Variants in SCG5 observed in about 807,000 individuals in gnomAD.
The protein encoded by SCG5 is secretogranin V, also known as neuroendocrine protein 7B2.
A neutral mutation model predicts 25.7 loss-of-function variants in SCG5; 18 were observed. The observed-to-expected ratio is 0.70, with a 90% CI of 0.48 to 1.04. SCG5 has a LOEUF of 1.04. Ranked by LOEUF, SCG5 falls within the 50% of genes least tolerant of loss-of-function variation. The pLI is 0.00. For missense variants in SCG5, 206 were observed against 259.8 expected (o/e 0.79, Z 1.42); for synonymous variants, 101 against 91.7 (o/e 1.10, Z -0.58).
intron 2 of SCG5, among the ~76,000 whole-genome samples, chr15:32,650,023 G>T (rs547234910): frequency 6.6e-6 from 1 of 152,314 alleles, no homozygotes; most frequent in African/African-American, 2.4e-5. Context: ...TAACTGAATT[G>T]CAGGCCTTCC....
intron 5 of SCG5, among the ~76,000 whole-genome samples, chr15:32,695,434 A>G (rs973397095): frequency 3.9e-5 from 6 of 152,098 alleles, no homozygotes; most frequent in African/African-American, 1.4e-4. Flanking sequence ...AGTTTCAATT[A>G]CTAGTTCGAA....
chr15:32,674,669 C>A (rs2054500585), intron 2 of SCG5, among the ~76,000 whole-genome samples: 1 of 152,122 alleles, frequency 6.6e-6, no homozygotes, highest in African/African-American at 2.4e-5. Flanking sequence ...TTTGTTAACA[C>A]CGAACAAGAC....
In SCG5 at chr15:32,684,640, G is replaced by C. The variant is rs201696326; in HGVS notation, c.460G>C (p.Glu154Gln). 72 of 1,613,448 alleles carry C rather than the reference G, an allele frequency of 4.5e-5. No homozygotes were observed. Among genetic ancestry groups the C allele is most frequent in the Non-Finnish European group, 5.6e-5 (66 of 1,179,644 alleles). ...FQLHQHLFDP[E>Q]HDYPGLGKWN... ...GTTGCACCAGCATCTCTTTGATCCG[G>C]AACATGACTATCCAGGCTTGGGCAA... The change falls in exon 4 of 6, where the codon GAA becomes CAA. Residue 154 changes from glutamate to glutamine, a missense_variant. Physicochemically the swap from Glu to Gln is conservative, Grantham distance 29. Coordinates refer to ENST00000300175, the MANE Select transcript of SCG5 (RefSeq NM_001144757.3).
At chr15:32,648,932 C>T (rs1256388369) in intron 2 of SCG5, among the ~76,000 whole-genome samples, 2 of 152,266 alleles carry the variant, frequency 1.3e-5, no homozygotes, top group African/African-American at 2.4e-5. Context: ...CCACCACGCC[C>T]GGCTAATTTT....
intron 2 of SCG5, among the ~76,000 whole-genome samples, chr15:32,650,340 A>T (rs1004826111): frequency 1.3e-5 from 2 of 152,108 alleles, no homozygotes; most frequent in South Asian, 4.1e-4. Flanking sequence ...TGACCTCGTG[A>T]TCCGCCCATC....
At chr15:32,649,945 GAAAAAT>G (rs1021527647) in intron 2 of SCG5, among the ~76,000 whole-genome samples, 2 of 152,224 alleles carry the variant, frequency 1.3e-5, no homozygotes, top group African/African-American at 2.4e-5. Flanking sequence ...GTTGGTGTTT[GAAAAAT>G]AAAAATAAAA....
At chr15:32,655,004 G>A (rs2054091833) in intron 2 of SCG5, among the ~76,000 whole-genome samples, 1 of 152,166 alleles carries the variant, frequency 6.6e-6, no homozygotes, top group South Asian at 2.1e-4. Context: ...TTCCTGGAAA[G>A]TGCTTTAAAT....
chr15:32,696,469 A>T, intron 5 of SCG5, 45 bp from the exon 6 acceptor site: 1 of 1,342,508 alleles, frequency 7.4e-7, no homozygotes, highest in Non-Finnish European at 1.1e-6. Context: ...TCTGATGTTC[A>T]CATATAACAC....
intron 4 of SCG5, among the ~76,000 whole-genome samples, chr15:32,689,841 C>CTT (rs537073829): frequency 1.0e-3 from 140 of 135,028 alleles, no homozygotes; most frequent in Non-Finnish European, 2.0e-3. Context: ...TTTTGCATTT[C>CTT]TTTTTTTTTT....
At chr15:32,678,143 G>A (rs1294742852) in intron 2 of SCG5, among the ~76,000 whole-genome samples, 1 of 152,114 alleles carries the variant, frequency 6.6e-6, no homozygotes, top group Non-Finnish European at 1.5e-5. Flanking sequence ...ACTTCTGAAG[G>A]GGCAACGATT....
chr15:32,672,929 AAAAAG>A (rs1163425062), intron 2 of SCG5: 2 of 138,334 alleles, frequency 1.4e-5, no homozygotes, highest in South Asian at 5.4e-4. Context: ...AAAAAAAAAA[AAAAAG>A]AGACAGAGTG....
intron 2 of SCG5, among the ~76,000 whole-genome samples, chr15:32,649,601 T>A (rs2054001014): frequency 6.6e-6 from 1 of 152,090 alleles, no homozygotes; most frequent in Non-Finnish European, 1.5e-5. Context: ...TGGTCGTTAA[T>A]AGCTTTAAGT....
intron 2 of SCG5, among the ~76,000 whole-genome samples, chr15:32,673,435 A>G (rs2054474056): frequency 6.6e-6 from 1 of 151,964 alleles, no homozygotes; most frequent in South Asian, 2.1e-4. Flanking sequence ...ATGGACCAGC[A>G]GCATCTGCAC....
At chr15:32,654,810 C>T (rs2054088687) in intron 2 of SCG5, among the ~76,000 whole-genome samples, 1 of 152,180 alleles carries the variant, frequency 6.6e-6, no homozygotes, top group African/African-American at 2.4e-5. Flanking sequence ...TTTGTTGAAA[C>T]AACCTTGCCA....
chr15:32,692,097 T>C, intron 5 of SCG5: 1 of 1,158,492 alleles, frequency 8.6e-7, no homozygotes, highest in Non-Finnish European at 1.1e-6. Context: ...TCCCAGGGTC[T>C]GTAGGCCAGT....
At chr15:32,671,780 C>T (rs565339540) in intron 2 of SCG5, among the ~76,000 whole-genome samples, 1 of 152,236 alleles carries the variant, frequency 6.6e-6, no homozygotes, top group African/African-American at 2.4e-5. Context: ...TTTCTCTTAG[C>T]CCCCAGTGCC....
chr15:32,644,977 T>C (rs2053920063), intron 2 of SCG5, among the ~76,000 whole-genome samples: 1 of 152,170 alleles, frequency 6.6e-6, no homozygotes, highest in African/African-American at 2.4e-5. Context: ...ACTAATTCGG[T>C]GAGATTGTAG....
At chr15:32,658,947 C>T (rs763034024) in intron 2 of SCG5, among the ~76,000 whole-genome samples, 4 of 152,130 alleles carry the variant, frequency 2.6e-5, no homozygotes, top group Non-Finnish European at 4.4e-5. Context: ...GAGGCCGAGG[C>T]GGGTGGATCC....
chr15:32,643,932 G>C, intron 2 of SCG5, 114 bp downstream of exon 2: 1 of 890,594 alleles, frequency 1.1e-6, no homozygotes, highest in Non-Finnish European at 1.7e-6. Flanking sequence ...ATTTTTTTCA[G>C]AGGAGGAAGC....
Sources: gnomAD v4.1 joint callset for allele counts (sites outside exome capture counted in the v4.1 genomes callset) on GRCh38, gnomAD v4.1.1 for gene constraint, MANE v1.5 for transcripts, NCBI Gene and HGNC (gene_info 2026-07-23, HGNC 2026-07-21) for gene names.